Variants in PGC observed in about 807,000 individuals in gnomAD.
PGC encodes gastricsin.
Under a neutral mutation model 45.9 loss-of-function variants are expected in PGC, and 31 were observed. The observed-to-expected ratio is 0.67, with a 90% CI of 0.51 to 0.91. PGC has a LOEUF of 0.91. PGC is among the 40% of genes least tolerant of loss of function. The probability of loss-of-function intolerance (pLI) is 0.00; values close to 1 mark genes in which losing one functional copy is unlikely to be tolerated. For missense variants in PGC, 477 were observed against 493.2 expected, an observed-to-expected ratio of 0.97 and a Z score of 0.31; for synonymous variants, 192 against 201.8, an observed-to-expected ratio of 0.95 and a Z score of 0.41.
At chr6:41,743,429 G>A (rs1771869889) in intron 3 of PGC, 40 bp from the exon 4 acceptor site, 2 of 1,280,604 alleles carry the variant, frequency 1.6e-6, no homozygotes, top group East Asian at 4.6e-5. Context: ...GGCCGGCTGG[G>A]GCAGGGCTGC....
At chr6:41,739,282 T>C (rs531908251) in intron 7 of PGC, among the ~76,000 whole-genome samples, 19 of 152,270 alleles carry the variant, frequency 1.2e-4, no homozygotes, top group African/African-American at 4.6e-4. Context: ...AATAGTAACC[T>C]CCTTCTCCCC....
rs753196520 is a variant in PGC at position 41,744,800 on chromosome 6, A to C, written c.68T>G (p.Leu23Arg). 1.2e-6 allele frequency: 2 copies of C among 1,613,784 alleles called. No individual in the cohort carries two copies. The highest frequency in any genetic ancestry group is 2.2e-5 in the South Asian group (2 of 91,004). The change falls in exon 2 of 9, where the codon CTG becomes CGG. Residue 23 changes from leucine (L) to arginine (R), a missense_variant. By Grantham distance (102) the Leu-to-Arg change is moderately radical. Coordinates refer to ENST00000373025, the MANE Select transcript of PGC (RefSeq NM_002630.4). The surrounding 1 kb of genome is among the most constrained non-coding windows in gnomAD (Gnocchi z 4.4). ...CTCACGGATAGACTTAAATTTCTTC[A>C]GGGGCACTCTACAGAAAGGTTGCAT... is the stretch of plus-strand genomic sequence containing the variant. ...LLEAAVVKVP[L>R]KKFKSIRETM...
chr6:41,738,123 C>CAT lies in PGC; in HGVS notation c.916-297_916-296dup, dbSNP rs1215101377. ...CTCTTTCTCTGCAAGTGCCTATATA[C>CAT]ATATATATGCATATATATATGCATA... On this transcript the variant is annotated intron_variant, in intron 7 of 8. Coordinates refer to ENST00000373025, the MANE Select transcript of PGC (RefSeq NM_002630.4). Among the ~76,000 whole-genome samples, 95 of 67,904 alleles carry CAT rather than the reference C, an allele frequency of 1.4e-3. 1 individual carries two copies. Among genetic ancestry groups the CAT allele is most frequent in the African/African-American group, 4.4e-3 (87 of 19,960 alleles). 44.5% of individuals were successfully genotyped at this position (67,904 alleles called of 152,430 possible).
chr6:41,737,699 G>C, intron 8 of PGC, 31 bp downstream of exon 8: 2 of 1,344,500 alleles, frequency 1.5e-6, no homozygotes, highest in Non-Finnish European at 2.1e-6. Context: ...CCCCAATCAT[G>C]GTGGCTCAGC....
chr6:41,736,775 T>C lies in PGC; in HGVS notation c.*77A>G, dbSNP rs1431413711. ...CAGAAAAAGAAGGCTGAATCCAGAG[T>C]GGAAAGACAGATACAATGCCCTAGG... is the stretch of plus-strand genomic sequence containing the variant. On this transcript the variant is annotated 3_prime_UTR_variant, in exon 9 of 9. Transcript: ENST00000373025. The C allele has an allele frequency of 2.8e-6, 4 of 1,429,512 alleles. No individual in the cohort carries two copies. Among genetic ancestry groups the C allele is most frequent in the Non-Finnish European group, 4.0e-6 (4 of 1,012,612 alleles). 88.6% of individuals were successfully genotyped at this position (1,429,512 alleles called of 1,614,324 possible).
At position 41,743,276 on chromosome 6, in the gene PGC, G is replaced by A. The variant is rs1771865442; in HGVS notation, c.442C>T (p.Leu148=). Reference sequence around the variant, plus strand: ...CACTCCCCATGCCCACTCACAGTCAGGGTGTCATAGCCAAAGAAGCCGGTG... The same window carrying A: ...CACTCCCCATGCCCACTCACAGTCAAGGTGTCATAGCCAAAGAAGCCGGTG... The part of the protein sequence containing the change: ...SLTGFFGYDT[L]TVQSIQVPNQ... The change falls in exon 4 of 9, where the codon CTG becomes TTG. Residue 148 remains leucine (L), a synonymous_variant. Transcript: ENST00000373025. The A allele has an allele frequency of 1.9e-6, 3 of 1,596,962 alleles. No individual in the cohort carries two copies. The highest frequency in any genetic ancestry group is 3.3e-4 in the Middle Eastern group (2 of 6,020).
Position 41,742,441 on chromosome 6 carries a change from C to T in PGC, c.496G>A (p.Glu166Lys), listed in dbSNP as rs2127290709. The T allele has an allele frequency of 1.2e-6, 2 of 1,614,158 alleles. No individual in the cohort carries two copies. The highest frequency in any genetic ancestry group is 3.3e-5 in the Admixed American group (2 of 60,020). Residue 166 changes from glutamate to lysine, a missense_variant, in exon 5 of 9, where the codon GAG becomes AAG. By Grantham distance (56) the Glu-to-Lys change is moderately conservative. Transcript: ENST00000373025. ...GCATAGACGAAGTTGGTACCAGGCT[C>T]ATTCTCACTCAAGCCGAACTCCTGG... is the stretch of plus-strand genomic sequence containing the variant. ...PNQEFGLSEN[E>K]PGTNFVYAQF...
intron 5 of PGC, chr6:41,740,910 C>T: frequency 6.9e-7 from 1 of 1,454,316 alleles, no homozygotes; most frequent in South Asian, 1.4e-5. Flanking sequence ...ATTGGGGCTC[C>T]CTGGGGACTG....
In PGC at chr6:41,736,864, G is replaced by A. The variant is rs762756214; in HGVS notation, c.1155C>T (p.Ala385=). Residue 385 remains alanine, a synonymous_variant, in exon 9 of 9, where the codon GCC becomes GCT. Coordinates refer to ENST00000373025, the MANE Select transcript of PGC (RefSeq NM_002630.4). ...CGAGGCAGCAAGTCTAGGCGGCAGTGGCAAAGCCTACTCTGTTGTTGCCCA... is the reference window on the plus strand; with the variant it reads ...CGAGGCAGCAAGTCTAGGCGGCAGTAGCAAAGCCTACTCTGTTGTTGCCCA... ...YDLGNNRVGF[A]TAA 1.2e-6 allele frequency: 2 copies of A among 1,614,136 alleles called. No individual in the cohort carries two copies. Among genetic ancestry groups the A allele is most frequent in the South Asian group, 2.2e-5 (2 of 91,080 alleles).
At chr6:41,743,721 T>C (rs1771874854) in intron 3 of PGC, among the ~76,000 whole-genome samples, 1 of 152,126 alleles carries the variant, frequency 6.6e-6, no homozygotes, top group Admixed American at 6.5e-5. Flanking sequence ...ACTCATCAGA[T>C]GAAGAAGTGA....
In PGC at chr6:41,740,614, C is replaced by T; in HGVS notation, c.648-4G>A. 1 of 1,593,174 alleles carries T rather than the reference C, an allele frequency of 6.3e-7. No individual in the cohort carries two copies. The highest frequency in any genetic ancestry group is 1.1e-5 in the South Asian group (1 of 88,290). ...TCCCCCGCTGGAGCCCTGCTGGCTG[C>T]AGGAGAGAAAGGGAAGGGGAAGTCA... On this transcript the variant is annotated splice_region_variant and splice_polypyrimidine_tract_variant and intron_variant, in intron 5 of 8. Transcript: ENST00000373025.
chr6:41,737,868 CT>C, intron 7 of PGC, 40 bp from the exon 8 acceptor site: 1 of 1,197,186 alleles, frequency 8.4e-7, no homozygotes, highest in South Asian at 1.2e-5. Context: ...CATCCTCCCC[CT>C]GATAGCACCC....
chr6:41,738,635 CAAT>C (rs1771761602), intron 7 of PGC, among the ~76,000 whole-genome samples: 2 of 150,992 alleles, frequency 1.3e-5, no homozygotes, highest in Non-Finnish European at 1.5e-5. Context: ...CTCAAAACAA[CAAT>C]AACAACAACA....
chr6:41,745,611 T>G (rs923571166), intron 1 of PGC, among the ~76,000 whole-genome samples: 8 of 149,824 alleles, frequency 5.3e-5, no homozygotes, highest in Middle Eastern at 3.5e-3. Context: ...GTGCAATGGC[T>G]TGATCTCGGC....
chr6:41,742,591 C>A, intron 4 of PGC, 102 bp from the exon 5 acceptor site: 1 of 808,638 alleles, frequency 1.2e-6, no homozygotes. Flanking sequence ...CCTTCCTCAC[C>A]TCTGCCCCCT....
At chr6:41,742,139 C>T in intron 5 of PGC, 151 bp downstream of exon 5, 1 of 728,742 alleles carries the variant, frequency 1.4e-6, no homozygotes, top group Non-Finnish European at 2.3e-6. Flanking sequence ...GAGAGGAAGC[C>T]CAGGAAGGAA....
chr6:41,737,053 T>A, intron 8 of PGC, 49 bp from the exon 9 acceptor site: 2 of 1,554,430 alleles, frequency 1.3e-6, no homozygotes, highest in Non-Finnish European at 1.8e-6. Flanking sequence ...ACACATGAGC[T>A]GGGCCCTGCT....
At position 41,744,704 on chromosome 6, in the gene PGC, C is replaced by G; in HGVS notation, c.164G>C (p.Arg55Pro). Reference sequence around the variant, plus strand: ...GTAGGTCACGCTGAGGTCACCAAAGCGGTACTTCCAAGCAGGATCATACTT... The same window carrying G: ...GTAGGTCACGCTGAGGTCACCAAAGGGGTACTTCCAAGCAGGATCATACTT... ...THKYDPAWKY[R>P]FGDLSVTYEP... The change falls in exon 2 of 9, where the codon CGC becomes CCC. Residue 55 changes from arginine to proline, a missense_variant. By Grantham distance (103) the Arg-to-Pro change is moderately radical (BLOSUM62 -2). Transcript: ENST00000373025. This position sits in a 1 kb window ranked among gnomAD's most constrained non-coding sequence, Gnocchi z 4.4. 1 of 1,614,140 alleles carries G rather than the reference C, an allele frequency of 6.2e-7. No individual in the cohort carries two copies. The highest frequency in any genetic ancestry group is 8.5e-7 in the Non-Finnish European group (1 of 1,179,990).
chr6:41,744,478 G>T lies in PGC; in HGVS notation c.247C>A (p.Pro83Thr). The change falls in exon 3 of 9, where the codon CCC becomes ACC. Residue 83 changes from proline (P) to threonine (T), a missense_variant. By Grantham distance (38) the Pro-to-Thr change is conservative. Transcript: ENST00000373025. This position sits in a 1 kb window ranked among gnomAD's most constrained non-coding sequence, Gnocchi z 4.4. ...TCAAAAAGGACCAGGAAGTTCTGGG[G>T]TGGAGTCCCGATGCTGATCTCACCA... ...YFGEISIGTP[P>T]QNFLVLFDTG... 1 of 1,613,980 alleles carries T rather than the reference G, an allele frequency of 6.2e-7. No homozygotes were observed. Among genetic ancestry groups the T allele is most frequent in the Non-Finnish European group, 8.5e-7 (1 of 1,179,942 alleles).
Sources: allele counts gnomAD v4.1 joint callset (sites outside exome capture counted in the v4.1 genomes callset), GRCh38; gene constraint gnomAD v4.1.1; non-coding constraint Gnocchi (gnomAD v3.1); transcripts MANE v1.5; gene names NCBI Gene and HGNC (gene_info 2026-07-23, HGNC 2026-07-21).